REPS2: variants seen among roughly 807,000 people sequenced by gnomAD.
The protein encoded by REPS2 is RALBP1 associated Eps domain containing 2.
A neutral mutation model predicts 53.6 loss-of-function variants in REPS2; 23 were observed. The observed-to-expected ratio is 0.43, with a 90% CI of 0.31 to 0.61. The LOEUF is 0.61. REPS2 is among the 20% of genes least tolerant of loss of function. The pLI is 0.11. For missense variants in REPS2, 446 were observed against 534.9 expected, an observed-to-expected ratio of 0.83 and a Z score of 1.64; for synonymous variants, 238 against 218.6, an observed-to-expected ratio of 1.09 and a Z score of -0.78.
Position 17,069,923 on chromosome X carries a change from A to C in REPS2, c.1280-17A>C, listed in dbSNP as rs1287202054. The C allele has an allele frequency of 9.4e-7, 1 of 1,065,579 alleles. No homozygotes were observed. Among genetic ancestry groups the C allele is most frequent in the Non-Finnish European group, 1.2e-6 (1 of 807,921 alleles). 87.8% of individuals were successfully genotyped at this position (1,065,579 alleles called of 1,213,427 possible). A position where few individuals can be genotyped will look rare whatever the true frequency, so the allele number is the denominator to read the frequency against. On this transcript the variant is annotated splice_polypyrimidine_tract_variant and intron_variant, in intron 10 of 17. Coordinates refer to ENST00000357277, the MANE Select transcript of REPS2 (RefSeq NM_004726.3). ...TCTTTTCTCTTTCTTTTTGCTTAAA[A>C]AACAAAACACAACTAGCTTTGAAAA...
chrX:17,012,351 C>T (rs1314706451), intron 2 of REPS2, among the ~76,000 whole-genome samples: 2 of 106,913 alleles, frequency 1.9e-5, no homozygotes, highest in Non-Finnish European at 3.8e-5. Flanking sequence ...TGCACTCTAG[C>T]CTGGGCGACA....
At chrX:17,184,575 C>G in the REPS2 span, among the ~76,000 whole-genome samples, 11 of 109,238 alleles carry the variant, frequency 1.0e-4, no homozygotes, top group African/African-American at 3.7e-4. Flanking sequence ...ACTGGTATTT[C>G]TAGTTCTAGA....
At chrX:17,189,219 G>GTATCTCTCTAAAGGCACATGCCACT in the REPS2 span, among the ~76,000 whole-genome samples, 1 of 110,388 alleles carries the variant, frequency 9.1e-6, no homozygotes, top group African/African-American at 3.3e-5. Flanking sequence ...TGTATTCTCT[G>GTATCTCTCTAAAGGCACATGCCACT]TATCTCTCTA....
At chrX:17,050,646 TG>T (rs1264477569) in intron 6 of REPS2, among the ~76,000 whole-genome samples, 2 of 111,382 alleles carry the variant, frequency 1.8e-5, no homozygotes, top group African/African-American at 6.5e-5. Flanking sequence ...TTTCTAGAAA[TG>T]GAATCTCATA....
intron 5 of REPS2, among the ~76,000 whole-genome samples, chrX:17,040,239 T>A (rs1232943814): frequency 8.9e-6 from 1 of 112,750 alleles, no homozygotes; most frequent in Non-Finnish European, 1.9e-5. Flanking sequence ...AGGAGTTTTT[T>A]AAAAAGTTCT....
intron 16 of REPS2, chrX:17,136,104 T>C (rs1603115232): frequency 1.8e-5 from 2 of 112,352 alleles, no homozygotes; most frequent in East Asian, 5.6e-4. Context: ...GACAGAAACC[T>C]GCTCCTGTCA....
intron 13 of REPS2, among the ~76,000 whole-genome samples, chrX:17,102,083 T>TTATGTTATGTTATG (rs1569178018): frequency 7.6e-4 from 33 of 43,660 alleles, no homozygotes; most frequent in African/African-American, 2.0e-3. Flanking sequence ...GTTATGTTAT[T>TTATGTTATGTTATG]TTATTTTATT....
At chrX:16,999,995 C>T (rs865839410) in intron 1 of REPS2, among the ~76,000 whole-genome samples, 4 of 91,428 alleles carry the variant, frequency 4.4e-5, no homozygotes, top group Non-Finnish European at 8.4e-5. Flanking sequence ...TGCAGTGAGC[C>T]GAGATCCCGC....
chrX:17,076,873 G>A (rs1795792586), intron 12 of REPS2, among the ~76,000 whole-genome samples: 2 of 111,819 alleles, frequency 1.8e-5, no homozygotes, highest in South Asian at 7.5e-4. Context: ...ACATTTGCAA[G>A]TGAACAGGAG....
chrX:17,194,521 G>A, the REPS2 span, among the ~76,000 whole-genome samples: 1 of 111,911 alleles, frequency 8.9e-6, no homozygotes, highest in African/African-American at 3.3e-5. Context: ...TAATATTTTG[G>A]TAATGACAAA....
chrX:16,973,036 G>C (rs1260381728), intron 1 of REPS2, among the ~76,000 whole-genome samples: 1 of 111,657 alleles, frequency 9.0e-6, no homozygotes, highest in Non-Finnish European at 1.9e-5. Flanking sequence ...CATCCAGTTT[G>C]TAATAATTTC....
intron 14 of REPS2, among the ~76,000 whole-genome samples, chrX:17,130,295 G>A (rs2063274453): frequency 9.0e-6 from 1 of 111,497 alleles, no homozygotes; most frequent in Non-Finnish European, 1.9e-5. Flanking sequence ...AACTCAATCT[G>A]CCTAAAGATG....
chrX:17,050,565 G>A (rs2061988491), intron 6 of REPS2, among the ~76,000 whole-genome samples: 1 of 111,453 alleles, frequency 9.0e-6, no homozygotes, highest in Non-Finnish European at 1.9e-5. Flanking sequence ...CTAGGTTTGT[G>A]TAAGTACACC....
At chrX:17,189,020 T>C in the REPS2 span, among the ~76,000 whole-genome samples, 2 of 112,200 alleles carry the variant, frequency 1.8e-5, no homozygotes, top group East Asian at 5.6e-4. Context: ...CAGCTAGTAT[T>C]GGGCAGATCT....
intron 14 of REPS2, among the ~76,000 whole-genome samples, chrX:17,124,117 C>A (rs1031775457): frequency 8.9e-6 from 1 of 112,370 alleles, no homozygotes; most frequent in African/African-American, 3.2e-5. Flanking sequence ...CCAGCTCACA[C>A]AATGAGCAAC....
the REPS2 span, among the ~76,000 whole-genome samples, chrX:17,158,500 A>G: frequency 8.9e-6 from 1 of 111,949 alleles, no homozygotes; most frequent in Non-Finnish European, 1.9e-5. Flanking sequence ...AAAACAATAA[A>G]GCTTCTAGAA....
the REPS2 span, among the ~76,000 whole-genome samples, chrX:17,182,547 C>T: frequency 2.7e-5 from 3 of 111,827 alleles, no homozygotes; most frequent in African/African-American, 9.8e-5. Context: ...GCCAAGGGGA[C>T]AGTGAGCATG....
the REPS2 span, among the ~76,000 whole-genome samples, chrX:17,190,131 C>G: frequency 1.8e-4 from 20 of 110,897 alleles, no homozygotes; most frequent in Non-Finnish European, 3.2e-4. Flanking sequence ...AAAATTTTAA[C>G]CAGGGATGGA....
chrX:17,004,861 TC>T (rs1168003259), intron 1 of REPS2, among the ~76,000 whole-genome samples: 2 of 31,212 alleles, frequency 6.4e-5, no homozygotes, highest in Non-Finnish European at 1.2e-4. Flanking sequence ...GATTACAATG[TC>T]TTTTTTTTTT....
Sources: allele counts gnomAD v4.1 joint callset (sites outside exome capture counted in the v4.1 genomes callset), GRCh38; gene constraint gnomAD v4.1.1; transcripts MANE v1.5; gene names NCBI Gene and HGNC (gene_info 2026-07-23, HGNC 2026-07-21).